ZFYVE9: variants seen among roughly 807,000 people sequenced by gnomAD.
ZFYVE9 encodes zinc finger FYVE domain-containing protein 9.
Under a neutral mutation model 126.7 loss-of-function variants are expected in ZFYVE9, and 43 were observed. The ratio of observed to expected loss-of-function variants is 0.34; its 90% CI spans 0.27 to 0.44. ZFYVE9 has a LOEUF of 0.44. Among genes scored for constraint, ZFYVE9 ranks in the 20% least tolerant of loss-of-function variants. The pLI, the probability that ZFYVE9 is intolerant of heterozygous loss-of-function variation, is 1.00. For synonymous variants in ZFYVE9, 521 were observed against 597.4 expected (o/e 0.87, Z 1.87); for missense variants, 1,476 against 1,697.0 (o/e 0.87, Z 2.29).
intron 13 of ZFYVE9, among the ~76,000 whole-genome samples, chr1:52,307,182 G>A: frequency 6.6e-6 from 1 of 152,154 alleles, no homozygotes; most frequent in Middle Eastern, 3.2e-3. Flanking sequence ...TAGAAATTTT[G>A]TTTGTACAAG....
At chr1:52,193,739 C>T (rs1644836481) in intron 1 of ZFYVE9, among the ~76,000 whole-genome samples, 2 of 142,022 alleles carry the variant, frequency 1.4e-5, no homozygotes, top group South Asian at 4.6e-4. Context: ...AAAAGATACA[C>T]ACTAATGACT....
At chr1:52,252,685 C>T (rs981580941) in intron 4 of ZFYVE9, 36 of 380,602 alleles carry the variant, frequency 9.5e-5, no homozygotes, top group African/African-American at 6.4e-4. Context: ...TGAGGTTCCA[C>T]ATGCCTTATA....
At chr1:52,310,363 ACT>A (rs1437795278) in intron 13 of ZFYVE9, among the ~76,000 whole-genome samples, 2 of 152,106 alleles carry the variant, frequency 1.3e-5, no homozygotes, top group Non-Finnish European at 2.9e-5. Flanking sequence ...CTTTACACTA[ACT>A]CTATGACATG....
At chr1:52,172,927 T>A (rs1186427131) in intron 1 of ZFYVE9, among the ~76,000 whole-genome samples, 2 of 152,270 alleles carry the variant, frequency 1.3e-5, no homozygotes, top group African/African-American at 4.8e-5. Context: ...TTTCTAGATA[T>A]ACAATCATGT....
chr1:52,332,838 A>ACT lies in ZFYVE9; in HGVS notation c.3513_3514dup (p.His1172LeufsTer27). On this transcript the variant is annotated frameshift_variant, in exon 14 of 19. Coordinates refer to ENST00000287727, the MANE Select transcript of ZFYVE9 (RefSeq NM_004799.4). LOFTEE classifies it high-confidence loss of function. ...GGTGCCTGCTTCAATGAAAAGGCAG[A>ACT]CTCTCATCTTGTGTGTGTACAGAAT... The ACT allele has an allele frequency of 1.2e-6, 2 of 1,614,030 alleles. No individual in the cohort carries two copies.
At chr1:52,230,148 G>A (rs567539178) in intron 2 of ZFYVE9, among the ~76,000 whole-genome samples, 25 of 152,286 alleles carry the variant, frequency 1.6e-4, no homozygotes, top group Middle Eastern at 3.4e-3. Flanking sequence ...GATTACAGGC[G>A]TGAGCCTCCG....
At chr1:52,208,521 G>A (rs1644997579) in intron 1 of ZFYVE9, among the ~76,000 whole-genome samples, 1 of 143,882 alleles carries the variant, frequency 7.0e-6, no homozygotes, top group Admixed American at 7.0e-5. Flanking sequence ...TTTTTTTTGA[G>A]ACGGAGTTTT....
At chr1:52,160,149 C>T (rs559674031) in intron 1 of ZFYVE9, 1 of 624,214 alleles carries the variant, frequency 1.6e-6, no homozygotes, top group Non-Finnish European at 2.9e-6. Context: ...ACACTATTCT[C>T]TGGAGTAGCT....
chr1:52,153,013 T>C (rs1475484073), intron 1 of ZFYVE9, among the ~76,000 whole-genome samples: 1 of 152,186 alleles, frequency 6.6e-6, no homozygotes, highest in Non-Finnish European at 1.5e-5. Context: ...ACATATTGCC[T>C]GTTAGAGGAG....
At chr1:52,207,680 C>G (rs1027759673) in intron 1 of ZFYVE9, among the ~76,000 whole-genome samples, 2 of 152,102 alleles carry the variant, frequency 1.3e-5, no homozygotes, top group Non-Finnish European at 2.9e-5. Flanking sequence ...GTTACTTTTT[C>G]GTTCCTAGTT....
chr1:52,219,683 A>C (rs770185382), intron 2 of ZFYVE9, among the ~76,000 whole-genome samples: 1 of 151,064 alleles, frequency 6.6e-6, no homozygotes, highest in Non-Finnish European at 1.5e-5. Flanking sequence ...TTTTGTTTCA[A>C]ATGTGGGAAG....
chr1:52,285,151 C>T (rs1645845533), intron 10 of ZFYVE9, among the ~76,000 whole-genome samples: 1 of 152,226 alleles, frequency 6.6e-6, no homozygotes, highest in African/African-American at 2.4e-5. Context: ...GTATTGTTTA[C>T]ATTATGTCAG....
At chr1:52,228,324 A>T (rs1438765167) in intron 2 of ZFYVE9, among the ~76,000 whole-genome samples, 1 of 152,080 alleles carries the variant, frequency 6.6e-6, no homozygotes, top group Non-Finnish European at 1.5e-5. Context: ...AAGCGATCTC[A>T]CACCTTGGCC....
chr1:52,233,112 C>T, intron 2 of ZFYVE9, 59 bp from the exon 3 acceptor site: 1 of 782,556 alleles, frequency 1.3e-6, no homozygotes, highest in Non-Finnish European at 1.8e-6. Flanking sequence ...TGTGTATATA[C>T]TTAAGATTTA....
intron 8 of ZFYVE9, among the ~76,000 whole-genome samples, chr1:52,275,684 C>A (rs1645741094): frequency 6.6e-6 from 1 of 152,060 alleles, no homozygotes; most frequent in Non-Finnish European, 1.5e-5. Flanking sequence ...TATACAATTA[C>A]TACATTTTTA....
intron 13 of ZFYVE9, among the ~76,000 whole-genome samples, chr1:52,319,210 C>G (rs1216951189): frequency 1.3e-5 from 2 of 152,062 alleles, no homozygotes; most frequent in African/African-American, 4.8e-5. Flanking sequence ...ATTTAAAGAC[C>G]TAAGTAGAGA....
intron 13 of ZFYVE9, among the ~76,000 whole-genome samples, chr1:52,314,681 G>A (rs547380241): frequency 6.6e-6 from 1 of 152,152 alleles, no homozygotes; most frequent in African/African-American, 2.4e-5. Context: ...TTAACCGGGT[G>A]TGGTGGCGCG....
intron 1 of ZFYVE9, among the ~76,000 whole-genome samples, chr1:52,192,078 A>C (rs901137617): frequency 6.6e-6 from 1 of 151,786 alleles, no homozygotes; most frequent in Non-Finnish European, 1.5e-5. Flanking sequence ...TGAATTTAAG[A>C]GGAAGATACC....
At chr1:52,257,286 G>T (rs549000098) in intron 4 of ZFYVE9, among the ~76,000 whole-genome samples, 1 of 152,184 alleles carries the variant, frequency 6.6e-6, no homozygotes, top group Non-Finnish European at 1.5e-5. Flanking sequence ...GCCATATGAA[G>T]GAAATACTGT....
Sources: gnomAD v4.1 joint callset for allele counts (sites outside exome capture counted in the v4.1 genomes callset) on GRCh38, gnomAD v4.1.1 for gene constraint, MANE v1.5 for transcripts, NCBI Gene and HGNC (gene_info 2026-07-23, HGNC 2026-07-21) for gene names.